CPA6: variants seen among roughly 807,000 people sequenced by gnomAD.
CPA6 encodes carboxypeptidase B.
A neutral mutation model predicts 63.3 loss-of-function variants in CPA6; 58 were observed. That is an observed-to-expected ratio of 0.92 (90% CI 0.74 to 1.14). The LOEUF (loss-of-function observed/expected upper bound fraction) is 1.14. CPA6 is among the 50% of genes most tolerant of loss of function. The probability of loss-of-function intolerance (pLI) is 0.00; values close to 1 mark genes in which losing one functional copy is unlikely to be tolerated. For synonymous variants in CPA6, 185 were observed against 179.0 expected (o/e 1.03, Z -0.27); for missense variants, 565 against 526.6 (o/e 1.07, Z -0.71).
At chr8:67,480,854 G>A (rs924272463) in intron 8 of CPA6, among the ~76,000 whole-genome samples, 5 of 152,214 alleles carry the variant, frequency 3.3e-5, no homozygotes, top group Admixed American at 6.5e-5. Flanking sequence ...TATTATAGCC[G>A]TCTTAGTAGA....
chr8:67,634,897 T>C (rs1005418791), intron 1 of CPA6, among the ~76,000 whole-genome samples: 1 of 151,352 alleles, frequency 6.6e-6, no homozygotes, highest in Non-Finnish European at 1.5e-5. Flanking sequence ...ATTCTTCTAG[T>C]TCTTTTTTTA....
chr8:67,563,320 C>G (rs1587567113), intron 2 of CPA6, among the ~76,000 whole-genome samples: 1 of 152,174 alleles, frequency 6.6e-6, no homozygotes, highest in East Asian at 1.9e-4. Flanking sequence ...GGTTCTGCTT[C>G]TTATGAGCTC....
chr8:67,679,669 C>G (rs917024759), intron 1 of CPA6, among the ~76,000 whole-genome samples: 1 of 152,138 alleles, frequency 6.6e-6, no homozygotes, highest in East Asian at 1.9e-4. Flanking sequence ...GCTTTAGGTG[C>G]ATAGGAAGCC....
intron 2 of CPA6, among the ~76,000 whole-genome samples, chr8:67,550,272 A>T (rs1812911801): frequency 6.6e-6 from 1 of 151,786 alleles, no homozygotes; most frequent in African/African-American, 2.4e-5. Context: ...TTTAGCTCCC[A>T]CTTATAAGTG....
intron 8 of CPA6, among the ~76,000 whole-genome samples, chr8:67,440,358 G>A (rs1810263573): frequency 6.6e-6 from 1 of 152,046 alleles, no homozygotes; most frequent in African/African-American, 2.4e-5. Flanking sequence ...ATCACTTGAG[G>A]TCAGGAGTTT....
intron 8 of CPA6, among the ~76,000 whole-genome samples, chr8:67,475,272 A>G (rs1811147962): frequency 6.6e-6 from 1 of 152,226 alleles, no homozygotes; most frequent in Non-Finnish European, 1.5e-5. Context: ...TAGATACACT[A>G]TGATGAGGAT....
chr8:67,583,272 T>C (rs1194800090), intron 2 of CPA6, among the ~76,000 whole-genome samples: 1 of 152,136 alleles, frequency 6.6e-6, no homozygotes, highest in Non-Finnish European at 1.5e-5. Context: ...TATGTTGTGA[T>C]TGAAATTACT....
chr8:67,490,953 T>C (rs188136413), intron 6 of CPA6, among the ~76,000 whole-genome samples: 149 of 152,258 alleles, frequency 9.8e-4, no homozygotes, highest in African/African-American at 3.4e-3. Flanking sequence ...CTTTCTTCTA[T>C]TTTTACTTTA....
At chr8:67,573,891 C>CAAAAAAAAAAAAA (rs34145304) in intron 2 of CPA6, among the ~76,000 whole-genome samples, 2 of 33,486 alleles carry the variant, frequency 6.0e-5, no homozygotes, top group African/African-American at 2.3e-4. Flanking sequence ...GACTCCGTCT[C>CAAAAAAAAAAAAA]AAAAAAAAAA....
intron 2 of CPA6, among the ~76,000 whole-genome samples, chr8:67,591,278 G>A (rs940867759): frequency 1.3e-5 from 2 of 151,966 alleles, no homozygotes; most frequent in Non-Finnish European, 2.9e-5. Flanking sequence ...ATGCTGTTTT[G>A]GTTACTGTAG....
intron 9 of CPA6, 76 bp downstream of exon 9, chr8:67,433,962 A>G: frequency 1.0e-6 from 1 of 952,664 alleles, no homozygotes; most frequent in Non-Finnish European, 1.7e-6. Context: ...TGCCATTATC[A>G]TTAGTACTTA....
intron 6 of CPA6, among the ~76,000 whole-genome samples, chr8:67,496,522 TATA>T (rs1563976117): frequency 1.4e-3 from 22 of 15,652 alleles, no homozygotes; most frequent in East Asian, 4.9e-3. Context: ...ATATAGTTTA[TATA>T]TATATATATA....
At chr8:67,655,409 G>A (rs113706816) in intron 1 of CPA6, among the ~76,000 whole-genome samples, 2,121 of 152,184 alleles carry the variant, frequency 0.014, 20 homozygotes, top group Middle Eastern at 0.027. Context: ...CTACTGTGAC[G>A]TACAAAACTT....
intron 8 of CPA6, among the ~76,000 whole-genome samples, chr8:67,480,207 A>G (rs960040389): frequency 1.3e-5 from 2 of 152,236 alleles, no homozygotes; most frequent in Non-Finnish European, 2.9e-5. Context: ...ATAATCAGCT[A>G]TAATTCACAT....
intron 1 of CPA6, among the ~76,000 whole-genome samples, chr8:67,741,535 C>G (rs1376693199): frequency 6.6e-6 from 1 of 152,224 alleles, no homozygotes; most frequent in Non-Finnish European, 1.5e-5. Flanking sequence ...AAAGCTTCAT[C>G]TGTATTTGCA....
In CPA6 at chr8:67,483,867, A is replaced by T. The variant is rs1419668196; in HGVS notation, c.748-9T>A. 1 of 1,609,804 alleles carries T rather than the reference A, an allele frequency of 6.2e-7. No individual in the cohort carries two copies. ...TTTCTCCAAAATCGATCCTAGACAT[A>T]ATTAAGAAAACAGGTGCTGAGAAAA... On this transcript the variant is annotated splice_polypyrimidine_tract_variant and intron_variant, in intron 7 of 10. Coordinates refer to ENST00000297770, the MANE Select transcript of CPA6 (RefSeq NM_020361.5).
At chr8:67,741,982 T>C (rs1817921398) in intron 1 of CPA6, among the ~76,000 whole-genome samples, 1 of 152,142 alleles carries the variant, frequency 6.6e-6, no homozygotes. Flanking sequence ...TGTATAGTAA[T>C]TTGATGTGTA....
chr8:67,454,447 T>G (rs1404866049), intron 8 of CPA6, among the ~76,000 whole-genome samples: 1 of 152,158 alleles, frequency 6.6e-6, no homozygotes, highest in Non-Finnish European at 1.5e-5. Flanking sequence ...AGCAGAAGGC[T>G]ACAGCATTAG....
At chr8:67,522,289 G>A (rs1812274412) in intron 2 of CPA6, among the ~76,000 whole-genome samples, 1 of 152,046 alleles carries the variant, frequency 6.6e-6, no homozygotes, top group Non-Finnish European at 1.5e-5. Flanking sequence ...TCACACAGTG[G>A]GCTACCCACT....
Sources: allele counts gnomAD v4.1 joint callset (sites outside exome capture counted in the v4.1 genomes callset), GRCh38; gene constraint gnomAD v4.1.1; transcripts MANE v1.5; gene names NCBI Gene and HGNC (gene_info 2026-07-23, HGNC 2026-07-21).